The following DDI2 variants were observed in gnomAD, a reference collection of about 807,000 sequenced individuals.
The protein encoded by DDI2 is DDI proteasomal shuttling factor 2, also known as protein DDI1 homolog 2.
DDI2 carries 5 observed loss-of-function variants against 48.1 expected under a neutral mutation model. The observed-to-expected ratio is 0.10, with a 90% CI of 0.05 to 0.22. DDI2 has a LOEUF of 0.22. Ranked by LOEUF, DDI2 falls within the 10% of genes least tolerant of loss-of-function variation. The pLI is 1.00. For missense variants in DDI2, 285 were observed against 506.2 expected, an observed-to-expected ratio of 0.56 and a Z score of 4.19; for synonymous variants, 205 against 183.6, an observed-to-expected ratio of 1.12 and a Z score of -0.94.
At chr1:15,652,765 G>T (rs1028141558) in intron 8 of DDI2, among the ~76,000 whole-genome samples, 1 of 152,084 alleles carries the variant, frequency 6.6e-6, no homozygotes, top group Non-Finnish European at 1.5e-5. Context: ...GGAGCTTGCA[G>T]TGAGCTGAGA....
chr1:15,621,393 C>A (rs964468830), intron 1 of DDI2, among the ~76,000 whole-genome samples: 1 of 151,922 alleles, frequency 6.6e-6, no homozygotes, highest in Admixed American at 6.6e-5. Context: ...ATTTTATCTT[C>A]TGTGTGTTTG....
In DDI2 at chr1:15,651,198, A is replaced by G. The variant is rs181530557; in HGVS notation, c.994-508A>G. 4.8e-3 allele frequency among the ~76,000 whole-genome samples: 728 copies of G among 152,250 alleles called. 6 individuals carry two copies. Among genetic ancestry groups the G allele is most frequent in the Non-Finnish European group, 6.8e-3 (461 of 68,020 alleles). On this transcript the variant is annotated intron_variant, in intron 7 of 9. Transcript: ENST00000480945. ...GAATGAATGAATGAGTGTATGTATC[A>G]ATAAAACCTTGTCACTGCCTTTCCT...
intron 7 of DDI2, among the ~76,000 whole-genome samples, chr1:15,650,928 A>T (rs946126139): frequency 6.6e-6 from 1 of 152,040 alleles, no homozygotes; most frequent in African/African-American, 2.4e-5. Context: ...AATCTTGGCT[A>T]ACTGCAAGCT....
rs1053583552 is a variant in DDI2 at position 15,640,473 on chromosome 1, C to T, written c.760+2039C>T. On this transcript the variant is annotated intron_variant, in intron 5 of 9. Transcript: ENST00000480945. ...GTGAGTGGTGGGCTTTGGATTCAGC[C>T]CCAGGTCCCCTTGATGCCAGAAATC... is the stretch of plus-strand genomic sequence containing the variant. Among the ~76,000 whole-genome samples the T allele has an allele frequency of 4.6e-5, 7 of 152,236 alleles. No homozygotes were observed. The South Asian group carries it at 1.0e-3, about 23-fold the overall frequency.
chr1:15,617,812 C>A lies in DDI2; in HGVS notation c.138+4C>A. On this transcript the variant is annotated splice_donor_region_variant and intron_variant, in intron 1 of 9. Transcript: ENST00000480945. ...CATCCCCGCAGCCGAGAGCCAGGTA[C>A]GCCGGGCAGCGAGCCGGGCCTGCCC... 6.3e-7 allele frequency: 1 copy of A among 1,589,988 alleles called. No homozygotes were observed.
chr1:15,635,778 A>G (rs749969526), intron 4 of DDI2, among the ~76,000 whole-genome samples: 8 of 152,214 alleles, frequency 5.3e-5, no homozygotes, highest in Non-Finnish European at 1.2e-4. Context: ...AGAAAAGCCA[A>G]AGTAGCTGGT....
rs139539436 is a variant in DDI2 at position 15,651,799 on chromosome 1, C to G, written c.1087C>G (p.Arg363Gly). 1 of 1,613,820 alleles carries G rather than the reference C, an allele frequency of 6.2e-7. No homozygotes were observed. The highest frequency in any genetic ancestry group is 8.5e-7 in the Non-Finnish European group (1 of 1,179,942). Reference protein sequence around the residue: ...LPEGELPECARLAYGAGREDV... With the variant: ...LPEGELPECAGLAYGAGREDV... The stretch of plus-strand genomic sequence containing the variant: ...TGAGGGAGAGCTACCAGAGTGTGCC[C>G]GGTTGGCATATGGGGCTGGAAGAGA... The change falls in exon 8 of 10, where the codon CGG (arginine) becomes GGG (glycine). Residue 363 changes from arginine to glycine, a missense_variant. By Grantham distance (125) the Arg-to-Gly change is moderately radical. Transcript: ENST00000480945.
At chr1:15,648,169 G>A (rs1346376904) in intron 6 of DDI2, among the ~76,000 whole-genome samples, 1 of 152,134 alleles carries the variant, frequency 6.6e-6, no homozygotes, top group Non-Finnish European at 1.5e-5. Flanking sequence ...AAACACAGTA[G>A]GACTAAGAGT....
rs753806328 is a variant in DDI2, at chr1:15,650,010, T to A, written c.993+187T>A. Among the ~76,000 whole-genome samples the A allele has an allele frequency of 5.2e-4, 79 of 152,344 alleles. 2 individuals are homozygous for A. The Middle Eastern group carries it at 0.01, about 20-fold the overall frequency. On this transcript the variant is annotated intron_variant, in intron 7 of 9. Coordinates refer to ENST00000480945, the MANE Select transcript of DDI2 (RefSeq NM_032341.5). ...GTGTCGATATAGATAGAATCTGTTT[T>A]TGTGAAATCTCTCTGTGAATCTGTT...
In DDI2 at chr1:15,635,508, C is replaced by A. The variant is rs971678086; in HGVS notation, c.632+1943C>A. 3.3e-5 allele frequency among the ~76,000 whole-genome samples: 5 copies of A among 152,264 alleles called. No homozygotes were observed. In the East Asian group the frequency reaches 9.6e-4, roughly 29 times the overall value. On this transcript the variant is annotated intron_variant, in intron 4 of 9. Transcript: ENST00000480945. ...GCAGCCTCCGCCTCCCAAGTTCAAGCGATTCTCCTGCCTCAGCCTTCTGAG... is the reference window on the plus strand; with the variant it reads ...GCAGCCTCCGCCTCCCAAGTTCAAGAGATTCTCCTGCCTCAGCCTTCTGAG...
rs1557622640 is a variant in DDI2 at position 15,652,464 on chromosome 1, G to GGGGGGGGGGGGA, written c.1183+570_1183+571insGGGGGGGGGGAG. On this transcript the variant is annotated intron_variant, in intron 8 of 9. Transcript: ENST00000480945. ...GAGGCTCCGGAGGGGGGGGGGGGGGGGCGGATCACCTGAGGTCAGGAGTTT... is the reference window on the plus strand; with the variant it reads ...GAGGCTCCGGAGGGGGGGGGGGGGGGGGGGGGGGGGGAGCGGATCACCTGAGGTCAGGAGTTT... Among the ~76,000 whole-genome samples the GGGGGGGGGGGGA allele has an allele frequency of 3.8e-5, 2 of 53,164 alleles. 1 individual carries two copies. The highest frequency in any genetic ancestry group is 8.3e-5 in the Non-Finnish European group (2 of 24,148). 34.9% of individuals were successfully genotyped at this position (53,164 alleles called of 152,430 possible). A position where few individuals can be genotyped will look rare whatever the true frequency, so the allele number is the denominator to read the frequency against.
At position 15,665,302 on chromosome 1, in the gene DDI2, G is replaced by A. The variant is rs1044960960; in HGVS notation, c.*5512G>A. On this transcript the variant is annotated 3_prime_UTR_variant, in exon 10 of 10. Transcript: ENST00000480945. ...AAAAGGTAACCAGTTGCTTGGCAAAGGAAGCTGGAGAGATGGCGAGTGCAT... is the reference window on the plus strand; with the variant it reads ...AAAAGGTAACCAGTTGCTTGGCAAAAGAAGCTGGAGAGATGGCGAGTGCAT... 4 of 151,472 alleles carry A rather than the reference G, an allele frequency of 2.6e-5. No homozygotes were observed. Among genetic ancestry groups the A allele is most frequent in the Non-Finnish European group, 5.8e-5 (4 of 69,010 alleles). 9.4% of individuals were successfully genotyped at this position (151,472 alleles called of 1,614,324 possible).
Position 15,661,522 on chromosome 1 carries a change from G to C in DDI2, c.*1732G>C. 1 of 1,614,042 alleles carries C rather than the reference G, an allele frequency of 6.2e-7. No individual in the cohort carries two copies. The highest frequency in any genetic ancestry group is 8.5e-7 in the Non-Finnish European group (1 of 1,180,016). The stretch of plus-strand genomic sequence containing the variant: ...TCCTGATGCTTCGAGGCCATTACTT[G>C]AATATGAACCACCTACCAGCCATCC... On this transcript the variant is annotated 3_prime_UTR_variant, in exon 10 of 10. Transcript: ENST00000480945.
intron 6 of DDI2, among the ~76,000 whole-genome samples, chr1:15,644,507 T>G (rs1274238609): frequency 3.3e-5 from 5 of 151,964 alleles, no homozygotes; most frequent in African/African-American, 9.7e-5. Flanking sequence ...TCACTGTCAG[T>G]GTTGCTGTAG....
At chr1:15,618,545 C>T (rs565660882) in intron 1 of DDI2, among the ~76,000 whole-genome samples, 1 of 152,282 alleles carries the variant, frequency 6.6e-6, no homozygotes, top group African/African-American at 2.4e-5. Flanking sequence ...CAGTTCAAAG[C>T]TCAATGCTTT....
At chr1:15,623,154 TTGG>T (rs1257620898) in intron 1 of DDI2, among the ~76,000 whole-genome samples, 4 of 151,988 alleles carry the variant, frequency 2.6e-5, no homozygotes, top group African/African-American at 9.7e-5. Flanking sequence ...GAGCGGGCAG[TTGG>T]TGGTGTTTCT....
intron 9 of DDI2, among the ~76,000 whole-genome samples, chr1:15,659,404 C>G (rs1380642821): frequency 6.6e-6 from 1 of 152,182 alleles, no homozygotes; most frequent in African/African-American, 2.4e-5. Flanking sequence ...CCTGGATTTA[C>G]TCTCAAGTAT....
Position 15,660,008 on chromosome 1 carries a change from G to A in DDI2, c.*218G>A, listed in dbSNP as rs144088253. The A allele has an allele frequency of 1.5e-5, 24 of 1,614,026 alleles. No homozygotes were observed. The highest frequency in any genetic ancestry group is 1.5e-4 in the African/African-American group (11 of 74,898). ...CCTATCAAGCCCAGTGACTCAGATC[G>A]CATTGAACCTAAAGCTGTGAAGGCT... On this transcript the variant is annotated 3_prime_UTR_variant, in exon 10 of 10. Transcript: ENST00000480945.
intron 4 of DDI2, among the ~76,000 whole-genome samples, chr1:15,635,444 C>T (rs1304871539): frequency 1.3e-5 from 2 of 152,172 alleles, no homozygotes; most frequent in African/African-American, 2.4e-5. Flanking sequence ...CTTGCTCTGT[C>T]GCCCAGGCCT....
Sources: gnomAD v4.1 joint callset for allele counts (sites outside exome capture counted in the v4.1 genomes callset) on GRCh38, gnomAD v4.1.1 for gene constraint, MANE v1.5 for transcripts, NCBI Gene and HGNC (gene_info 2026-07-23, HGNC 2026-07-21) for gene names.